The following NKAIN2 variants were observed in gnomAD, a reference collection of about 807,000 sequenced individuals.
NKAIN2 encodes sodium/potassium-transporting ATPase subunit beta-1-interacting protein 2.
In NKAIN2, 14 loss-of-function variants were observed where a neutral mutation model predicts 32.6. The ratio of observed to expected loss-of-function variants is 0.43; its 90% CI spans 0.28 to 0.67. The LOEUF is 0.67. Among genes scored for constraint, NKAIN2 ranks in the 30% least tolerant of loss-of-function variants. The probability of loss-of-function intolerance (pLI) is 0.17; values close to 1 mark genes in which losing one functional copy is unlikely to be tolerated. For missense variants in NKAIN2, 198 were observed against 258.3 expected (o/e 0.77, Z 1.60); for synonymous variants, 80 against 87.2 (o/e 0.92, Z 0.46).
chr6:124,051,559 T>C (rs898774842), intron 1 of NKAIN2, among the ~76,000 whole-genome samples: 10 of 152,122 alleles, frequency 6.6e-5, no homozygotes, highest in African/African-American at 2.4e-4. Flanking sequence ...TATCTCCTAA[T>C]GCTATCCCTC....
Position 124,759,636 on chromosome 6 carries a change from CA to C in NKAIN2, c.475-31702del, listed in dbSNP as rs1562367684. On this transcript the variant is annotated intron_variant, in intron 4 of 6. Coordinates refer to ENST00000368417, the MANE Select transcript of NKAIN2 (RefSeq NM_001040214.3). ...ACACACACACACACACACACACACA[CA>C]CACACACACACACACACACCCCCTA... Among the ~76,000 whole-genome samples the C allele has an allele frequency of 3.5e-4, 45 of 128,818 alleles. 2 individuals carry two copies. Among genetic ancestry groups the C allele is most frequent in the African/African-American group, 9.0e-4 (34 of 37,636 alleles). The allele number at this position is 128,818 out of a possible 152,430, so 84.5% of individuals were successfully genotyped here. A position where few individuals can be genotyped will look rare whatever the true frequency, so the allele number is the denominator to read the frequency against.
rs1252784062 is a variant in NKAIN2, at chr6:123,804,226, C to G, written c.26C>G (p.Thr9Arg). 6 of 1,613,848 alleles carry G rather than the reference C, an allele frequency of 3.7e-6. No individual in the cohort carries two copies. The highest frequency in any genetic ancestry group is 5.1e-6 in the Non-Finnish European group (6 of 1,179,924). Residue 9 changes from threonine to arginine, a missense_variant, in exon 1 of 7, where the codon ACG (threonine) becomes AGG (arginine). Physicochemically the swap from Thr to Arg is moderately conservative, Grantham distance 71. Transcript: ENST00000368417. The part of the protein sequence containing the change: MGYCSGRC[T>R]LIFICGMQLV... ...ATGGGTTATTGCAGTGGCAGGTGCA[C>G]GCTTATCTTTATCTGTGGCATGCAA...
intron 1 of NKAIN2, among the ~76,000 whole-genome samples, chr6:123,960,284 C>A (rs1288050132): frequency 6.6e-6 from 1 of 152,168 alleles, no homozygotes; most frequent in East Asian, 1.9e-4. Flanking sequence ...TAACGGGCAT[C>A]CATCTCCACA....
chr6:124,391,848 C>T (rs1311132476), intron 3 of NKAIN2, among the ~76,000 whole-genome samples: 2 of 152,118 alleles, frequency 1.3e-5, no homozygotes, highest in Admixed American at 6.6e-5. Flanking sequence ...TACTATCCTT[C>T]CCCCTACCTA....
intron 1 of NKAIN2, among the ~76,000 whole-genome samples, chr6:124,015,609 G>C (rs1320062073): frequency 6.6e-6 from 1 of 152,134 alleles, no homozygotes; most frequent in Non-Finnish European, 1.5e-5. Flanking sequence ...GTGCTTCAAA[G>C]CCGTTCTGTA....
At chr6:124,401,513 A>G (rs1372338274) in intron 3 of NKAIN2, among the ~76,000 whole-genome samples, 1 of 152,166 alleles carries the variant, frequency 6.6e-6, no homozygotes, top group East Asian at 1.9e-4. Context: ...ATAGCCTTCA[A>G]TACCTGAAAT....
chr6:124,233,034 G>A (rs1317336303), intron 1 of NKAIN2, among the ~76,000 whole-genome samples: 1 of 152,098 alleles, frequency 6.6e-6, no homozygotes, highest in African/African-American at 2.4e-5. Flanking sequence ...ATTCTGAGTT[G>A]CTGGGGGTAC....
intron 1 of NKAIN2, among the ~76,000 whole-genome samples, chr6:124,178,446 C>G (rs184299661): frequency 4.0e-5 from 6 of 151,856 alleles, no homozygotes; most frequent in Non-Finnish European, 8.8e-5. Context: ...TACAGGCGCC[C>G]GCCACCATGC....
intron 1 of NKAIN2, among the ~76,000 whole-genome samples, chr6:124,268,788 T>A (rs1224737659): frequency 6.6e-6 from 1 of 151,990 alleles, no homozygotes; most frequent in Non-Finnish European, 1.5e-5. Context: ...ATACCACTGC[T>A]GAAGTGATAT....
chr6:124,684,721 A>G (rs1400828976), intron 4 of NKAIN2, among the ~76,000 whole-genome samples: 2 of 152,144 alleles, frequency 1.3e-5, no homozygotes, highest in Non-Finnish European at 2.9e-5. Context: ...AGCCTCATTC[A>G]TTAGTTCAGC....
rs543395033 is a variant in NKAIN2, at chr6:124,096,729, A to G, written c.55-186276A>G. ...AAAAATTAGCCGGGCGTGGTGGCGG[A>G]TGCCTGTAGTCCCAGCTACTCTGGA... On this transcript the variant is annotated intron_variant, in intron 1 of 6. Coordinates refer to ENST00000368417, the MANE Select transcript of NKAIN2 (RefSeq NM_001040214.3). Among the ~76,000 whole-genome samples, 340 of 151,558 alleles carry G rather than the reference A, an allele frequency of 2.2e-3. 2 individuals are homozygous for G. Among genetic ancestry groups the G allele is most frequent in the Non-Finnish European group, 3.9e-3 (266 of 67,824 alleles).
chr6:124,474,171 T>C (rs1357399615), intron 3 of NKAIN2, among the ~76,000 whole-genome samples: 1 of 151,992 alleles, frequency 6.6e-6, no homozygotes, highest in Non-Finnish European at 1.5e-5. Flanking sequence ...GGTATGATCA[T>C]AATCTTTAGA....
intron 1 of NKAIN2, among the ~76,000 whole-genome samples, chr6:124,110,279 C>T (rs1785320699): frequency 6.6e-6 from 1 of 151,964 alleles, no homozygotes; most frequent in African/African-American, 2.4e-5. Flanking sequence ...GACAAAAACC[C>T]TCTGATCATT....
At chr6:124,802,709 C>T (rs1386609416) in intron 5 of NKAIN2, among the ~76,000 whole-genome samples, 1 of 152,276 alleles carries the variant, frequency 6.6e-6, no homozygotes, top group Middle Eastern at 3.4e-3. Context: ...CTCTAAGATG[C>T]CCAGTTCTGA....
chr6:124,245,358 C>A (rs1793340739), intron 1 of NKAIN2, among the ~76,000 whole-genome samples: 1 of 152,026 alleles, frequency 6.6e-6, no homozygotes, highest in Non-Finnish European at 1.5e-5. Context: ...TAATATTTGG[C>A]AATTTATGCC....
At chr6:124,301,107 C>T (rs1027452322) in intron 2 of NKAIN2, among the ~76,000 whole-genome samples, 1 of 152,084 alleles carries the variant, frequency 6.6e-6, no homozygotes, top group East Asian at 1.9e-4. Flanking sequence ...TGGCCCAGTC[C>T]AGGGCCCCTC....
At chr6:124,706,911 T>G (rs1023454838) in intron 4 of NKAIN2, among the ~76,000 whole-genome samples, 1 of 152,108 alleles carries the variant, frequency 6.6e-6, no homozygotes, top group Non-Finnish European at 1.5e-5. Flanking sequence ...TACATATGTA[T>G]ACATGTGCCA....
chr6:124,017,627 A>C (rs550246480), intron 1 of NKAIN2, among the ~76,000 whole-genome samples: 1 of 152,244 alleles, frequency 6.6e-6, no homozygotes, highest in East Asian at 1.9e-4. Flanking sequence ...GGCCCCTGCA[A>C]GTCTGAAATC....
intron 1 of NKAIN2, among the ~76,000 whole-genome samples, chr6:124,004,001 T>C (rs1358373197): frequency 2.0e-5 from 3 of 152,190 alleles, no homozygotes; most frequent in Non-Finnish European, 2.9e-5. Flanking sequence ...AAGAGAACAT[T>C]TGGATTTTTG....
Sources: gnomAD v4.1 joint callset for allele counts (sites outside exome capture counted in the v4.1 genomes callset) on GRCh38, gnomAD v4.1.1 for gene constraint, MANE v1.5 for transcripts, NCBI Gene and HGNC (gene_info 2026-07-23, HGNC 2026-07-21) for gene names.